RPRD2: variants seen among roughly 807,000 people sequenced by gnomAD.
RPRD2 encodes the protein regulation of nuclear pre-mRNA domain-containing protein 2.
In RPRD2, 12 loss-of-function variants were observed where a neutral mutation model predicts 104.4. The ratio of observed to expected loss-of-function variants is 0.11; its 90% CI spans 0.07 to 0.19. RPRD2 has a LOEUF of 0.19. Ranked by LOEUF, RPRD2 falls within the 10% of genes least tolerant of loss-of-function variation. RPRD2 has a pLI of 1.00. For synonymous variants in RPRD2, 714 were observed against 684.9 expected (o/e 1.04, Z -0.66); for missense variants, 1,543 against 1,790.1 (o/e 0.86, Z 2.49).
At chr1:150,390,618 A>C (rs587623686) in intron 1 of RPRD2, among the ~76,000 whole-genome samples, 4 of 152,324 alleles carry the variant, frequency 2.6e-5, no homozygotes, top group Admixed American at 2.6e-4. Flanking sequence ...AAAAGAACCA[A>C]AGAGAAATGT....
rs1553894846 is a variant in RPRD2, at chr1:150,443,300, G to C, written c.567+17G>C. On this transcript the variant is annotated intron_variant, in intron 5 of 10. Coordinates refer to ENST00000369068, the MANE Select transcript of RPRD2 (RefSeq NM_015203.5). ...GAATTTCGAGTAAGTTACAGAATTTGTTTAATATAGCAAAGTATTATTCAC... is the reference window on the plus strand; with the variant it reads ...GAATTTCGAGTAAGTTACAGAATTTCTTTAATATAGCAAAGTATTATTCAC... 6.5e-7 allele frequency: 1 copy of C among 1,530,376 alleles called. No individual in the cohort carries two copies. The highest frequency in any genetic ancestry group is 8.9e-7 in the Non-Finnish European group (1 of 1,124,954). The allele number at this position is 1,530,376 out of a possible 1,614,324, so 94.8% of individuals were successfully genotyped here.
chr1:150,449,314 T>A (rs1415902834), intron 7 of RPRD2, among the ~76,000 whole-genome samples: 1 of 152,186 alleles, frequency 6.6e-6, no homozygotes, highest in African/African-American at 2.4e-5. Flanking sequence ...TAGTTGGATC[T>A]TGTTTTAGTT....
At chr1:150,420,549 G>A (rs1203025066) in intron 2 of RPRD2, among the ~76,000 whole-genome samples, 3 of 152,206 alleles carry the variant, frequency 2.0e-5, no homozygotes, top group Non-Finnish European at 4.4e-5. Context: ...AGATAGGTCA[G>A]GTGCAGTGGC....
At position 150,460,436 on chromosome 1, in the gene RPRD2, C is replaced by T; in HGVS notation, c.1411+119C>T. On this transcript the variant is annotated intron_variant, in intron 9 of 10. Transcript: ENST00000369068. ...TTGTTGTTGTTTAGACAGAGTTTCG[C>T]TCTGTCTCCCAGGCAGGAGTGCAGT... The T allele has an allele frequency of 1.2e-5, 13 of 1,067,242 alleles. No homozygotes were observed. In the South Asian group the frequency reaches 2.0e-4, roughly 17 times the overall value. The allele number at this position is 1,067,242 out of a possible 1,614,324, so 66.1% of individuals were successfully genotyped here.
chr1:150,376,933 G>A (rs992568892), intron 1 of RPRD2, among the ~76,000 whole-genome samples: 16 of 151,746 alleles, frequency 1.1e-4, no homozygotes, highest in African/African-American at 2.9e-4. Flanking sequence ...AGTGCTGGCC[G>A]GGCGCTGTGG....
chr1:150,456,741 A>G (rs935179152), intron 7 of RPRD2, among the ~76,000 whole-genome samples: 1 of 152,014 alleles, frequency 6.6e-6, no homozygotes, highest in South Asian at 2.1e-4. Context: ...CCTGGCCAAC[A>G]TGGTGAAACC....
intron 9 of RPRD2, 49 bp from the exon 10 acceptor site, chr1:150,464,478 T>C: frequency 6.9e-7 from 1 of 1,452,568 alleles, no homozygotes. Flanking sequence ...TATCGGAAAT[T>C]GAAGTCATTT....
chr1:150,392,396 C>T lies in RPRD2; in HGVS notation c.206-25200C>T, dbSNP rs929747548. ...GGCACATGCCTGTAATCCCAGTTATCGGGTAGGCTGAGGCAGAAGAATTGC... is the reference window on the plus strand; with the variant it reads ...GGCACATGCCTGTAATCCCAGTTATTGGGTAGGCTGAGGCAGAAGAATTGC... On this transcript the variant is annotated intron_variant, in intron 1 of 10. Coordinates refer to ENST00000369068, the MANE Select transcript of RPRD2 (RefSeq NM_015203.5). Among the ~76,000 whole-genome samples, 11 of 151,906 alleles carry T rather than the reference C, an allele frequency of 7.2e-5. 1 individual carries two copies. Among genetic ancestry groups the T allele is most frequent in the Admixed American group, 4.6e-4 (7 of 15,250 alleles).
chr1:150,457,147 C>T, intron 7 of RPRD2, 141 bp from the exon 8 acceptor site: 1 of 707,448 alleles, frequency 1.4e-6, no homozygotes, highest in South Asian at 1.9e-5. Context: ...TCACTTCAAC[C>T]CAGGAGGCAG....
rs587720652 is a variant in RPRD2, at chr1:150,401,164, G to A, written c.206-16432G>A. Among the ~76,000 whole-genome samples the A allele has an allele frequency of 2.3e-4, 35 of 151,742 alleles. No individual in the cohort carries two copies. The South Asian group carries it at 4.0e-3, about 17-fold the overall frequency. On this transcript the variant is annotated intron_variant, in intron 1 of 10. Coordinates refer to ENST00000369068, the MANE Select transcript of RPRD2 (RefSeq NM_015203.5). ...TGCACTCCAACCTGGGCGACAGAGCGAGACATCATCTCATAAAAATAAAAA... is the reference window on the plus strand; with the variant it reads ...TGCACTCCAACCTGGGCGACAGAGCAAGACATCATCTCATAAAAATAAAAA...
intron 2 of RPRD2, among the ~76,000 whole-genome samples, chr1:150,419,754 C>T (rs916351764): frequency 3.9e-5 from 6 of 152,134 alleles, no homozygotes; most frequent in African/African-American, 1.2e-4. Context: ...CTCAGCCTCC[C>T]GAGTAGCCAG....
At chr1:150,427,740 A>G (rs781790077) in intron 2 of RPRD2, among the ~76,000 whole-genome samples, 20 of 152,288 alleles carry the variant, frequency 1.3e-4, no homozygotes, top group African/African-American at 4.8e-4. Flanking sequence ...TCAAGGCTGC[A>G]GTGAGCCATA....
chr1:150,401,624 T>C (rs1481827201), intron 1 of RPRD2, among the ~76,000 whole-genome samples: 6 of 151,722 alleles, frequency 4.0e-5, no homozygotes, highest in Non-Finnish European at 7.4e-5. Context: ...ATTACCCCTT[T>C]CATAGTACTT....
chr1:150,418,732 C>A (rs1664547196), intron 2 of RPRD2, among the ~76,000 whole-genome samples: 1 of 152,182 alleles, frequency 6.6e-6, no homozygotes, highest in South Asian at 2.1e-4. Context: ...CATTTCCTGG[C>A]TGAGCACGGT....
intron 2 of RPRD2, among the ~76,000 whole-genome samples, chr1:150,426,317 ATGCAAGGTTTGGAGTCAAACT>A (rs1665122327): frequency 1.3e-5 from 2 of 152,274 alleles, no homozygotes; most frequent in African/African-American, 4.8e-5. Flanking sequence ...GAGGTTAAAA[ATGCAAGGTTTGGAGTCAAACT>A]TGCAAGGTTG....
At chr1:150,403,268 A>G (rs1489166946) in intron 1 of RPRD2, among the ~76,000 whole-genome samples, 2 of 152,220 alleles carry the variant, frequency 1.3e-5, no homozygotes, top group Non-Finnish European at 2.9e-5. Context: ...GTGGTAAAGT[A>G]CACATAACAT....
Position 150,473,040 on chromosome 1 carries a change from T to C in RPRD2, c.4092T>C (p.Arg1364=), listed in dbSNP as rs1668703663. 1 of 1,614,014 alleles carries C rather than the reference T, an allele frequency of 6.2e-7. No homozygotes were observed. Among genetic ancestry groups the C allele is most frequent in the South Asian group, 1.1e-5 (1 of 91,084 alleles). The part of the protein sequence containing the change: ...QRDLNGPGLS[R]VRESLTLPSH... ...ACCTCAACGGCCCTGGCCTTAGCCG[T>C]GTACGAGAGAGCCTCACCCTACCCT... Residue 1364 remains arginine, a synonymous_variant, in exon 11 of 11, where the codon CGT becomes CGC. Transcript: ENST00000369068.
At chr1:150,466,382 A>G (rs1668276545) in intron 10 of RPRD2, among the ~76,000 whole-genome samples, 1 of 147,342 alleles carries the variant, frequency 6.8e-6, no homozygotes, top group Non-Finnish European at 1.5e-5. Context: ...TGTCTCAAAA[A>G]AAAAAAAAAA....
chr1:150,385,351 C>T (rs1661487476), intron 1 of RPRD2, among the ~76,000 whole-genome samples: 1 of 152,096 alleles, frequency 6.6e-6, no homozygotes, highest in African/African-American at 2.4e-5. Flanking sequence ...GTGGCATGTG[C>T]CTGTAGCCCC....
Sources: allele counts gnomAD v4.1 joint callset (sites outside exome capture counted in the v4.1 genomes callset), GRCh38; gene constraint gnomAD v4.1.1; transcripts MANE v1.5; gene names NCBI Gene and HGNC (gene_info 2026-07-23, HGNC 2026-07-21).